The following RNF212B variants were observed in gnomAD, a reference collection of about 807,000 sequenced individuals.
RNF212B encodes the protein ring finger protein 212B.
A neutral mutation model predicts 55.5 loss-of-function variants in RNF212B; 52 were observed. The observed-to-expected ratio is 0.94, with a 90% CI of 0.75 to 1.18. The LOEUF (loss-of-function observed/expected upper bound fraction) is 1.18, where lower values mean the gene tolerates loss of function less well. Ranked by LOEUF, RNF212B falls within the 50% of genes most tolerant of loss-of-function variation. The pLI is 0.00. For missense variants in RNF212B, 289 were observed against 350.4 expected, an observed-to-expected ratio of 0.82 and a Z score of 1.40; for synonymous variants, 99 against 121.4, an observed-to-expected ratio of 0.82 and a Z score of 1.21.
In RNF212B at chr14:23,206,846, C is replaced by T. The variant is rs550252300; in HGVS notation, c.-2+13445C>T. On this transcript the variant is annotated intron_variant, in intron 2 of 15. Coordinates refer to the RNF212B transcript ENST00000399910. ...TAACTATTTTAGCAAAACAAACAAA[C>T]AAACAAAAAATCAGGTGAAAACAGA... Among the ~76,000 whole-genome samples the T allele has an allele frequency of 2.0e-5, 3 of 149,804 alleles. No individual in the cohort carries two copies. In the South Asian group the frequency reaches 6.3e-4, roughly 32 times the overall value.
chr14:23,197,392 TG>T (rs1878823132), intron 2 of RNF212B, among the ~76,000 whole-genome samples: 1 of 152,026 alleles, frequency 6.6e-6, no homozygotes, highest in East Asian at 1.9e-4. Flanking sequence ...CCATGTGTGG[TG>T]GTACATGCCT....
chr14:23,237,198 C>T (rs190402929), upstream of RNF212B, among the ~76,000 whole-genome samples: 96 of 151,594 alleles, frequency 6.3e-4, no homozygotes, highest in Non-Finnish European at 1.9e-4. Context: ...GGCGCGATCT[C>T]GGCTCACTGC....
At chr14:23,206,366 C>A (rs1438881693) in intron 2 of RNF212B, among the ~76,000 whole-genome samples, 14 of 152,228 alleles carry the variant, frequency 9.2e-5, no homozygotes, top group Admixed American at 9.2e-4. Flanking sequence ...AGCCACCGTG[C>A]CCGGCCTAGT....
intron 2 of RNF212B, among the ~76,000 whole-genome samples, chr14:23,240,652 A>T (rs1184344036): frequency 6.6e-6 from 1 of 152,200 alleles, no homozygotes; most frequent in Non-Finnish European, 1.5e-5. Context: ...GATTTAGCAA[A>T]TCTATTACTT....
intron 11 of RNF212B, among the ~76,000 whole-genome samples, chr14:23,268,589 G>C (rs1885856840): frequency 6.7e-6 from 1 of 148,430 alleles, no homozygotes; most frequent in Admixed American, 6.6e-5. Context: ...GTCACTCCTA[G>C]CTAATTTTTG....
At chr14:23,216,082 T>TA (rs1881043605) in intron 2 of RNF212B, among the ~76,000 whole-genome samples, 1 of 151,326 alleles carries the variant, frequency 6.6e-6, no homozygotes, top group Non-Finnish European at 1.5e-5. Flanking sequence ...CCATCTCTAC[T>TA]AAAAATAAAA....
chr14:23,235,326 G>A (rs1883024543), upstream of RNF212B, among the ~76,000 whole-genome samples: 1 of 152,070 alleles, frequency 6.6e-6, no homozygotes, highest in Admixed American at 6.6e-5. Context: ...CTCTAGCCTG[G>A]GCAGCAGAGG....
In RNF212B at chr14:23,269,542, A is replaced by T. The variant is rs566049361; in HGVS notation, c.675-321A>T. ...AGCCCAGGTGTTGGAGACCAGGCTG[A>T]GCAACAAAGTGAGACCTAATTACCC... is the stretch of plus-strand genomic sequence containing the variant. On this transcript the variant is annotated intron_variant, in intron 12 of 14. Transcript: ENST00000430154. Among the ~76,000 whole-genome samples the T allele has an allele frequency of 2.0e-5, 3 of 152,122 alleles. No homozygotes were observed. In the South Asian group the frequency reaches 6.2e-4, roughly 32 times the overall value.
chr14:23,257,884 G>C (rs531840927), intron 4 of RNF212B, among the ~76,000 whole-genome samples: 1 of 152,158 alleles, frequency 6.6e-6, no homozygotes, highest in African/African-American at 2.4e-5. Context: ...CCAAGGCTGT[G>C]TAATAGCTAT....
upstream of RNF212B, among the ~76,000 whole-genome samples, chr14:23,234,999 G>C (rs1483067184): frequency 2.0e-5 from 3 of 152,136 alleles, no homozygotes; most frequent in African/African-American, 7.2e-5. Flanking sequence ...GGATCACGAG[G>C]TCAAGAGTTT....
intron 2 of RNF212B, among the ~76,000 whole-genome samples, chr14:23,216,490 A>T (rs1881086395): frequency 6.6e-6 from 1 of 152,102 alleles, no homozygotes; most frequent in African/African-American, 2.4e-5. Context: ...GTATCAATCA[A>T]AAGATAGACG....
chr14:23,258,901 C>A (rs1158533600), intron 5 of RNF212B, among the ~76,000 whole-genome samples: 1 of 151,570 alleles, frequency 6.6e-6, no homozygotes, highest in Non-Finnish European at 1.5e-5. Context: ...AAACTGCTTC[C>A]CAGACCAGGT....
chr14:23,218,943 T>C (rs1175285531), intron 2 of RNF212B, among the ~76,000 whole-genome samples: 4 of 151,816 alleles, frequency 2.6e-5, no homozygotes, highest in Non-Finnish European at 4.4e-5. Context: ...ATTCTAAAAG[T>C]ACGAGGAGAA....
chr14:23,269,024 G>A (rs1299741392), intron 12 of RNF212B, 61 bp downstream of exon 12: 3 of 1,405,192 alleles, frequency 2.1e-6, no homozygotes, highest in East Asian at 5.0e-5. Context: ...CTGCCAGCAG[G>A]CTGGGTGCGG....
intron 2 of RNF212B, among the ~76,000 whole-genome samples, chr14:23,227,077 T>C (rs962337398): frequency 1.1e-4 from 17 of 152,124 alleles, no homozygotes; most frequent in African/African-American, 4.1e-4. Context: ...ATGGTACCAA[T>C]GTCAATTTAT....
chr14:23,188,808 G>A (rs1276232311), intron 1 of RNF212B, among the ~76,000 whole-genome samples: 4 of 152,074 alleles, frequency 2.6e-5, no homozygotes, highest in Non-Finnish European at 4.4e-5. Context: ...TTCCCTGAGG[G>A]CAAAGACCTG....
At chr14:23,188,733 G>T (rs946480890) in intron 1 of RNF212B, among the ~76,000 whole-genome samples, 1 of 152,096 alleles carries the variant, frequency 6.6e-6, no homozygotes. Flanking sequence ...GCTTCCCAAA[G>T]TGCTGGGAGC....
At chr14:23,207,101 G>T (rs1195720880) in intron 2 of RNF212B, among the ~76,000 whole-genome samples, 1 of 152,060 alleles carries the variant, frequency 6.6e-6, no homozygotes, top group Non-Finnish European at 1.5e-5. Flanking sequence ...CCATATTTCA[G>T]CTAGGACAAA....
intron 2 of RNF212B, among the ~76,000 whole-genome samples, chr14:23,207,541 G>A (rs1357404013): frequency 6.6e-6 from 1 of 152,192 alleles, no homozygotes; most frequent in African/African-American, 2.4e-5. Flanking sequence ...ATTCTCTGTA[G>A]AGGGTATTTT....
Sources: gnomAD v4.1 joint callset for allele counts (sites outside exome capture counted in the v4.1 genomes callset) on GRCh38, gnomAD v4.1.1 for gene constraint, MANE v1.5 for transcripts, NCBI Gene and HGNC (gene_info 2026-07-23, HGNC 2026-07-21) for gene names.